Variants in LAP3 observed in about 807,000 individuals in gnomAD.
LAP3 encodes the protein leucine aminopeptidase 3.
In LAP3, 46 loss-of-function variants were observed where a neutral mutation model predicts 58.8. The observed-to-expected ratio is 0.78, with a 90% CI of 0.62 to 1.00. LAP3 has a LOEUF of 1.00. LAP3 is among the 50% of genes least tolerant of loss of function. The probability of loss-of-function intolerance (pLI) is 0.00; values close to 1 mark genes in which losing one functional copy is unlikely to be tolerated. For missense variants in LAP3, 615 were observed against 659.1 expected (o/e 0.93, Z 0.73); for synonymous variants, 257 against 237.7 (o/e 1.08, Z -0.75).
chr4:17,602,406 A>G (rs1370474938), intron 10 of LAP3, among the ~76,000 whole-genome samples: 1 of 152,234 alleles, frequency 6.6e-6, no homozygotes, highest in Non-Finnish European at 1.5e-5. Flanking sequence ...TCTCTTCTCA[A>G]GAGGACCTGC....
chr4:17,607,738 T>C lies in LAP3; in HGVS notation c.*149T>C. Reference sequence around the variant, plus strand: ...CAATGAAATTTGTATGCCTTGATTTTTTTTTCATTTCACACAAAGATTTAT... The same window carrying C: ...CAATGAAATTTGTATGCCTTGATTTCTTTTTCATTTCACACAAAGATTTAT... On this transcript the variant is annotated 3_prime_UTR_variant, in exon 13 of 13. Coordinates refer to ENST00000226299, the MANE Select transcript of LAP3 (RefSeq NM_015907.3). The C allele has an allele frequency of 1.8e-6, 1 of 568,612 alleles. No homozygotes were observed. The highest frequency in any genetic ancestry group is 3.0e-5 in the East Asian group (1 of 33,364). The allele number at this position is 568,612 out of a possible 1,614,324, so 35.2% of individuals were successfully genotyped here.
chr4:17,592,034 T>C lies in LAP3; in HGVS notation c.863+3057T>C, dbSNP rs549260483. On this transcript the variant is annotated intron_variant, in intron 7 of 12. Transcript: ENST00000226299. Reference sequence around the variant, plus strand: ...TACTTGGGAAGCTGAGGTAGGAGGATTACATGAGCCCAGGAGTTCAAGAGC... The same window carrying C: ...TACTTGGGAAGCTGAGGTAGGAGGACTACATGAGCCCAGGAGTTCAAGAGC... Among the ~76,000 whole-genome samples the C allele has an allele frequency of 3.1e-3, 478 of 152,198 alleles. 4 individuals carry two copies. The highest frequency in any genetic ancestry group is 0.011 in the African/African-American group (448 of 41,528).
In LAP3 at chr4:17,595,415, G is replaced by A; in HGVS notation, c.869G>A (p.Gly290Asp). The change falls in exon 8 of 13, where the codon GGT (glycine) becomes GAT (aspartate). Residue 290 changes from glycine to aspartate, a missense_variant. Physicochemically the swap from Gly to Asp is moderately conservative, Grantham distance 94. Coordinates refer to ENST00000226299, the MANE Select transcript of LAP3 (RefSeq NM_015907.3). ...CGTTGTCCATTTCCCCATAGTGGTG[G>A]TATCTCCATCAAGGCTTCTGCAAAT... Reference protein sequence around the residue: ...VGKGITFDSGGISIKASANMD... With the variant: ...VGKGITFDSGDISIKASANMD... 1.2e-6 allele frequency: 2 copies of A among 1,613,778 alleles called. No individual in the cohort carries two copies. The highest frequency in any genetic ancestry group is 8.5e-7 in the Non-Finnish European group (1 of 1,179,888).
rs532437146 is a variant in LAP3 at position 17,577,780 on chromosome 4, AG to A, written c.102+218del. ...GGGCGCGATTCCCCTGCTCGGGGCT[AG>A]GGGGTGATGGTTGTAGCCGCCCTTT... On this transcript the variant is annotated intron_variant, in intron 1 of 12. Coordinates refer to ENST00000226299, the MANE Select transcript of LAP3 (RefSeq NM_015907.3). Among the ~76,000 whole-genome samples, 23 of 152,294 alleles carry A rather than the reference AG, an allele frequency of 1.5e-4. No individual in the cohort carries two copies. The East Asian group carries it at 4.1e-3, about 27-fold the overall frequency.
intron 7 of LAP3, among the ~76,000 whole-genome samples, chr4:17,590,664 C>T (rs1379289488): frequency 5.9e-5 from 9 of 151,728 alleles, no homozygotes; most frequent in East Asian, 2.0e-4. Flanking sequence ...CTCCGCCTCC[C>T]GGGTTCACAC....
At chr4:17,605,643 T>C (rs185838480) in intron 11 of LAP3, among the ~76,000 whole-genome samples, 7 of 152,298 alleles carry the variant, frequency 4.6e-5, no homozygotes, top group African/African-American at 1.7e-4. Flanking sequence ...CCTTCATATA[T>C]GTCATCATTC....
At chr4:17,578,930 G>T (rs1354058371) in intron 1 of LAP3, among the ~76,000 whole-genome samples, 2 of 152,176 alleles carry the variant, frequency 1.3e-5, no homozygotes, top group Non-Finnish European at 2.9e-5. Context: ...TCTGGGATTT[G>T]CACTTGAGGA....
Position 17,584,699 on chromosome 4 carries a change from C to T in LAP3, c.540-273C>T, listed in dbSNP as rs183907891. On this transcript the variant is annotated intron_variant, in intron 5 of 12. Transcript: ENST00000226299. Reference sequence around the variant, plus strand: ...GCTTCAAAGACCCCACAGCACAGGCCCTTTTTCATGTAGATGAGGATTCTG... The same window carrying T: ...GCTTCAAAGACCCCACAGCACAGGCTCTTTTTCATGTAGATGAGGATTCTG... The T allele has an allele frequency of 1.4e-4, 38 of 281,284 alleles. No individual in the cohort carries two copies. The East Asian group carries it at 2.2e-3, about 17-fold the overall frequency. The allele number at this position is 281,284 out of a possible 1,614,324, so 17.4% of individuals were successfully genotyped here. A position where few individuals can be genotyped will look rare whatever the true frequency, so the allele number is the denominator to read the frequency against.
At chr4:17,597,684 G>A (rs1047236424) in intron 9 of LAP3, among the ~76,000 whole-genome samples, 6 of 152,322 alleles carry the variant, frequency 3.9e-5, no homozygotes, top group East Asian at 1.9e-4. Context: ...GTATACACAC[G>A]TTTCCATGAA....
intron 10 of LAP3, among the ~76,000 whole-genome samples, chr4:17,600,441 G>A (rs1018618854): frequency 6.6e-6 from 1 of 152,040 alleles, no homozygotes; most frequent in Non-Finnish European, 1.5e-5. Context: ...GCAGTGAAGC[G>A]AGTACCCCCT....
chr4:17,606,391 T>G (rs1309741342), intron 11 of LAP3, among the ~76,000 whole-genome samples: 1 of 152,126 alleles, frequency 6.6e-6, no homozygotes, highest in Non-Finnish European at 1.5e-5. Flanking sequence ...CAGGCTGGAG[T>G]GCCGTGGCAC....
chr4:17,587,270 C>T (rs1232335581), intron 6 of LAP3, among the ~76,000 whole-genome samples: 1 of 152,128 alleles, frequency 6.6e-6, no homozygotes, highest in African/African-American at 2.4e-5. Context: ...GGGTATGACT[C>T]GTTAAACTGA....
chr4:17,587,770 T>G (rs1158162897), intron 6 of LAP3: 1 of 152,206 alleles, frequency 6.6e-6, no homozygotes, highest in Non-Finnish European at 1.5e-5. Flanking sequence ...GTTTATTAAG[T>G]AAGAACTAAC....
intron 7 of LAP3, among the ~76,000 whole-genome samples, chr4:17,589,607 C>T (rs1713624652): frequency 6.6e-6 from 1 of 152,080 alleles, no homozygotes; most frequent in East Asian, 1.9e-4. Context: ...CGAAGTCAAA[C>T]TCAGGTGTGT....
Position 17,580,165 on chromosome 4 carries a change from C to CATATATATATATATATATATAT in LAP3, c.218+242_218+243insATATATATATATATATATATAT, listed in dbSNP as rs372439585. Among the ~76,000 whole-genome samples the CATATATATATATATATATATAT allele has an allele frequency of 1.1e-4, 5 of 45,992 alleles. 1 individual carries two copies. The highest frequency in any genetic ancestry group is 6.4e-4 in the African/African-American group (5 of 7,830). The allele number at this position is 45,992 out of a possible 152,430, so 30.2% of individuals were successfully genotyped here. A position where few individuals can be genotyped will look rare whatever the true frequency, so the allele number is the denominator to read the frequency against. On this transcript the variant is annotated intron_variant, in intron 2 of 12. Coordinates refer to ENST00000226299, the MANE Select transcript of LAP3 (RefSeq NM_015907.3). ...GGCATGCCTCACCACTCCCGGCTTT[C>CATATATATATATATATATATAT]ATATATATATATATATGTATTTTTT...
At chr4:17,596,836 C>T (rs1221938038) in intron 8 of LAP3, among the ~76,000 whole-genome samples, 1 of 152,212 alleles carries the variant, frequency 6.6e-6, no homozygotes, top group East Asian at 1.9e-4. Flanking sequence ...TCAAGTTAGA[C>T]TTCTTTGGGA....
At chr4:17,599,274 C>T (rs1001284688) in intron 10 of LAP3, among the ~76,000 whole-genome samples, 2 of 152,274 alleles carry the variant, frequency 1.3e-5, no homozygotes, top group Middle Eastern at 3.4e-3. Flanking sequence ...AGCGGTGGCT[C>T]ACACCTGTAA....
In LAP3 at chr4:17,605,061, C is replaced by T. The variant is rs368063939; in HGVS notation, c.1260+394C>T. Reference sequence around the variant, plus strand: ...GAGGATGTCTTCAGACCGCTGTGCTCTGTGCCTCCCTCCATGCCCTTCACA... The same window carrying T: ...GAGGATGTCTTCAGACCGCTGTGCTTTGTGCCTCCCTCCATGCCCTTCACA... On this transcript the variant is annotated intron_variant, in intron 11 of 12. Transcript: ENST00000226299. Among the ~76,000 whole-genome samples, 3 of 152,014 alleles carry T rather than the reference C, an allele frequency of 2.0e-5. 1 individual carries two copies. The East Asian group carries it at 5.8e-4, about 29-fold the overall frequency.
At chr4:17,590,961 G>C (rs1034206028) in intron 7 of LAP3, among the ~76,000 whole-genome samples, 1 of 130,320 alleles carries the variant, frequency 7.7e-6, no homozygotes, top group Admixed American at 9.0e-5. Flanking sequence ...TAGAGACGTG[G>C]TCTTGCTATG....
Sources: gnomAD v4.1 joint callset for allele counts (sites outside exome capture counted in the v4.1 genomes callset) on GRCh38, gnomAD v4.1.1 for gene constraint, MANE v1.5 for transcripts, NCBI Gene and HGNC (gene_info 2026-07-23, HGNC 2026-07-21) for gene names.